The following EXOC2 variants were observed in gnomAD, a reference collection of about 807,000 sequenced individuals.
The protein encoded by EXOC2 is SEC5-like 1.
EXOC2 carries 70 observed loss-of-function variants against 131.8 expected under a neutral mutation model. That is an observed-to-expected ratio of 0.53 (90% CI 0.44 to 0.65). The LOEUF is 0.65. Ranked by LOEUF, EXOC2 falls within the 30% of genes least tolerant of loss-of-function variation. The probability of loss-of-function intolerance (pLI) is 0.00; values close to 1 mark genes in which losing one functional copy is unlikely to be tolerated. For synonymous variants in EXOC2, 411 were observed against 398.4 expected (o/e 1.03, Z -0.38); for missense variants, 923 against 1,108.6 (o/e 0.83, Z 2.38).
At chr6:562,549 C>T (rs892114688) in intron 17 of EXOC2, among the ~76,000 whole-genome samples, 1 of 152,082 alleles carries the variant, frequency 6.6e-6, no homozygotes, top group Non-Finnish European at 1.5e-5. Context: ...AAACAAAAAT[C>T]GTAAGTTATA....
At position 556,109 on chromosome 6, in the gene EXOC2, G is replaced by A. The variant is rs1757405628; in HGVS notation, c.1933-96C>T. On this transcript the variant is annotated intron_variant, in intron 18 of 27. Transcript: ENST00000230449. Reference sequence around the variant, plus strand: ...ATGAACAGTTAAAACGTGGAACGCTGCTGCAGGAGTGGTGCCCTTCCTATA... The same window carrying A: ...ATGAACAGTTAAAACGTGGAACGCTACTGCAGGAGTGGTGCCCTTCCTATA... 4.5e-6 allele frequency: 5 copies of A among 1,110,358 alleles called. No homozygotes were observed. The South Asian group carries it at 5.4e-5, about 12-fold the overall frequency. 68.8% of individuals were successfully genotyped at this position (1,110,358 alleles called of 1,614,324 possible).
intron 25 of EXOC2, among the ~76,000 whole-genome samples, chr6:495,056 T>TA (rs1246006157): frequency 3.6e-5 from 1 of 28,090 alleles, no homozygotes; most frequent in Non-Finnish European, 1.6e-4. Flanking sequence ...TTAAAACAAT[T>TA]TTTTTTTTTT....
At chr6:632,882 C>T (rs976999882) in intron 3 of EXOC2, 59 bp downstream of exon 3, 43 of 1,525,714 alleles carry the variant, frequency 2.8e-5, no homozygotes, top group Non-Finnish European at 3.5e-5. Context: ...AGCTTTACAG[C>T]TTAAAAGACA....
chr6:627,262 A>AAAG (rs1251541565), intron 4 of EXOC2, among the ~76,000 whole-genome samples: 18 of 130,674 alleles, frequency 1.4e-4, no homozygotes, highest in Non-Finnish European at 2.1e-4. Flanking sequence ...AAAAAAAAAA[A>AAAG]AAGAAGCCTG....
chr6:499,695 T>C lies in EXOC2; in HGVS notation c.2386A>G (p.Arg796Gly). 6.2e-7 allele frequency: 1 copy of C among 1,613,512 alleles called. No individual in the cohort carries two copies. The highest frequency in any genetic ancestry group is 1.3e-5 in the African/African-American group (1 of 75,008). Residue 796 changes from arginine to glycine, a missense_variant, in exon 24 of 28, where the codon AGA becomes GGA. By Grantham distance (125) the Arg-to-Gly change is moderately radical. Coordinates refer to ENST00000230449, the MANE Select transcript of EXOC2 (RefSeq NM_018303.6). ...WKDCLPPTGV[R>G]NYLKEALVNI... ...ACCAGTGCTTCTTTTAAATAGTTTC[T>C]GACACCTGAAATTGAAATAAAGGAG...
chr6:539,700 A>T (rs1766695666), intron 22 of EXOC2, among the ~76,000 whole-genome samples: 1 of 151,052 alleles, frequency 6.6e-6, no homozygotes, highest in South Asian at 2.1e-4. Context: ...AATGTTTTTT[A>T]AAAATTATGC....
At chr6:674,887 C>T (rs2127783729) in intron 1 of EXOC2, among the ~76,000 whole-genome samples, 1 of 152,214 alleles carries the variant, frequency 6.6e-6, no homozygotes, top group African/African-American at 2.4e-5. Flanking sequence ...CAATCAGGGA[C>T]ACTGCCCCCA....
intron 1 of EXOC2, among the ~76,000 whole-genome samples, chr6:649,191 C>G (rs1427495305): frequency 6.6e-6 from 1 of 152,148 alleles, no homozygotes; most frequent in Admixed American, 6.5e-5. Flanking sequence ...TGCCCGGCCA[C>G]AAACTAATTT....
At position 486,173 on chromosome 6, in the gene EXOC2, T is replaced by A. The variant is rs180783153; in HGVS notation, c.*498A>T. On this transcript the variant is annotated 3_prime_UTR_variant, in exon 28 of 28. Transcript: ENST00000230449. ...AAAAACCCGCTTGAATTAGAAAACT[T>A]AAGGCCATTTATATGAAATGAGGGT... The A allele has an allele frequency of 6.6e-6, 1 of 152,448 alleles. No individual in the cohort carries two copies. Among genetic ancestry groups the A allele is most frequent in the South Asian group, 2.1e-4 (1 of 4,814 alleles). 9.4% of individuals were successfully genotyped at this position (152,448 alleles called of 1,614,324 possible). A position where few individuals can be genotyped will look rare whatever the true frequency, so the allele number is the denominator to read the frequency against.
rs977424684 is a variant in EXOC2, at chr6:560,800, C to T, written c.1851+1984G>A. 3.3e-5 allele frequency among the ~76,000 whole-genome samples: 5 copies of T among 151,908 alleles called. No individual in the cohort carries two copies. The East Asian group carries it at 7.7e-4, about 23-fold the overall frequency. ...TCGGCTCACTGCAACCTCTGCCTCCCGGGTTCAAGTGATTCCCCTGTCTCA... is the reference window on the plus strand; with the variant it reads ...TCGGCTCACTGCAACCTCTGCCTCCTGGGTTCAAGTGATTCCCCTGTCTCA... On this transcript the variant is annotated intron_variant, in intron 17 of 27. Transcript: ENST00000230449.
At chr6:642,428 G>A (rs1474055896) in intron 1 of EXOC2, among the ~76,000 whole-genome samples, 1 of 152,112 alleles carries the variant, frequency 6.6e-6, no homozygotes, top group Non-Finnish European at 1.5e-5. Flanking sequence ...GGTGTGTGGG[G>A]AAAACTTCAC....
At position 629,973 on chromosome 6, in the gene EXOC2, A is replaced by G. The variant is rs371177998; in HGVS notation, c.296-12T>C. 6 of 1,613,484 alleles carry G rather than the reference A, an allele frequency of 3.7e-6. No individual in the cohort carries two copies. The highest frequency in any genetic ancestry group is 2.2e-5 in the East Asian group (1 of 44,834). The stretch of plus-strand genomic sequence containing the variant: ...CTGATCCAAAATGCCTACAGAAATG[A>G]GGAGCATATGCTTAATAAGATGAAG... On this transcript the variant is annotated splice_polypyrimidine_tract_variant and intron_variant, in intron 3 of 27. Coordinates refer to ENST00000230449, the MANE Select transcript of EXOC2 (RefSeq NM_018303.6).
intron 1 of EXOC2, among the ~76,000 whole-genome samples, chr6:684,512 CTT>C (rs1319087571): frequency 1.3e-5 from 2 of 152,204 alleles, no homozygotes; most frequent in Non-Finnish European, 2.9e-5. Flanking sequence ...ATACTGTACA[CTT>C]AAGTAAATAC....
intron 12 of EXOC2, 134 bp from the exon 13 acceptor site, chr6:572,778 G>T: frequency 8.9e-7 from 1 of 1,120,722 alleles, no homozygotes. Context: ...CTGCGTGGAC[G>T]CTCGCGGCCC....
At chr6:546,534 G>A (rs1474247444) in intron 22 of EXOC2, among the ~76,000 whole-genome samples, 2 of 152,056 alleles carry the variant, frequency 1.3e-5, no homozygotes, top group Admixed American at 6.5e-5. Context: ...AACTATGTGG[G>A]TCCACTTATA....
At chr6:669,413 C>A in intron 1 of EXOC2, 1 of 152,646 alleles carries the variant, frequency 6.6e-6, no homozygotes, top group South Asian at 2.1e-4. Flanking sequence ...ACAGTTGATT[C>A]TGTCTGGGGT....
chr6:577,494 A>G (rs1758649622), intron 11 of EXOC2, among the ~76,000 whole-genome samples: 1 of 152,132 alleles, frequency 6.6e-6, no homozygotes, highest in African/African-American at 2.4e-5. Flanking sequence ...GATAAAGTCT[A>G]CCCCGATGTT....
At chr6:629,236 T>C (rs534019177) in intron 4 of EXOC2, among the ~76,000 whole-genome samples, 4 of 152,206 alleles carry the variant, frequency 2.6e-5, no homozygotes, top group African/African-American at 9.6e-5. Context: ...AGAAGATAAA[T>C]TAGCTGCGAT....
chr6:498,197 G>A (rs1410314678), intron 24 of EXOC2, among the ~76,000 whole-genome samples: 1 of 152,074 alleles, frequency 6.6e-6, no homozygotes, highest in East Asian at 1.9e-4. Context: ...AGTGTCCAAG[G>A]AAATTTTTGG....
Sources: allele counts gnomAD v4.1 joint callset (sites outside exome capture counted in the v4.1 genomes callset), GRCh38; gene constraint gnomAD v4.1.1; transcripts MANE v1.5; gene names NCBI Gene and HGNC (gene_info 2026-07-23, HGNC 2026-07-21).